CLPB: variants seen among roughly 807,000 people sequenced by gnomAD.
CLPB encodes the protein mitochondrial disaggregase.
CLPB carries 40 observed loss-of-function variants against 78.4 expected under a neutral mutation model. The observed-to-expected ratio is 0.51, with a 90% CI of 0.40 to 0.66. CLPB has a LOEUF of 0.66. Ranked by LOEUF, CLPB falls within the 30% of genes least tolerant of loss-of-function variation. The pLI is 0.00. For missense variants in CLPB, 780 were observed against 886.9 expected, an observed-to-expected ratio of 0.88 and a Z score of 1.53; for synonymous variants, 333 against 348.0, an observed-to-expected ratio of 0.96 and a Z score of 0.48.
intron 4 of CLPB, among the ~76,000 whole-genome samples, chr11:72,379,685 T>C (rs1854841045): frequency 6.6e-6 from 1 of 152,186 alleles, no homozygotes; most frequent in Non-Finnish European, 1.5e-5. Context: ...TTTATGAGGA[T>C]AGACATCAAA....
intron 5 of CLPB, among the ~76,000 whole-genome samples, chr11:72,332,139 T>G (rs57464210): frequency 0.13 from 19,834 of 152,064 alleles, 2,630 homozygotes; most frequent in African/African-American, 0.34. Flanking sequence ...TAAATATATT[T>G]TTTTTTATTA....
chr11:72,371,162 C>T (rs1184696896), intron 4 of CLPB, among the ~76,000 whole-genome samples: 1 of 152,060 alleles, frequency 6.6e-6, no homozygotes, highest in Non-Finnish European at 1.5e-5. Flanking sequence ...CTCCTGGGCT[C>T]AGGCAATCCT....
rs1020136365 is a variant in CLPB at position 72,422,942 on chromosome 11, G to C, written c.455+7370C>G. Among the ~76,000 whole-genome samples, 3 of 152,206 alleles carry C rather than the reference G, an allele frequency of 2.0e-5. No individual in the cohort carries two copies. In the East Asian group the frequency reaches 5.8e-4, roughly 29 times the overall value. On this transcript the variant is annotated intron_variant, in intron 2 of 15. Coordinates refer to ENST00000538039, the MANE Select transcript of CLPB (RefSeq NM_001258392.3). ...CCCAAGCTGGGGCATCCAGGGACGA[G>C]AACCAAACCAAGCCATCAGTGCAAA...
chr11:72,370,130 T>C (rs980413006), intron 4 of CLPB, among the ~76,000 whole-genome samples: 3 of 152,192 alleles, frequency 2.0e-5, no homozygotes, highest in Non-Finnish European at 4.4e-5. Flanking sequence ...GTGTGGTGTG[T>C]GGGACCCGTC....
chr11:72,420,019 T>C (rs1392921247), intron 2 of CLPB, among the ~76,000 whole-genome samples: 4 of 152,220 alleles, frequency 2.6e-5, no homozygotes, highest in African/African-American at 9.6e-5. Flanking sequence ...ATGACTGTAA[T>C]AGCTACACAG....
chr11:72,335,185 G>A (rs1381580134), intron 5 of CLPB, among the ~76,000 whole-genome samples: 1 of 152,164 alleles, frequency 6.6e-6, no homozygotes, highest in Non-Finnish European at 1.5e-5. Flanking sequence ...TGGCTGGTTT[G>A]GACCTCATCA....
intron 5 of CLPB, among the ~76,000 whole-genome samples, chr11:72,345,503 G>A (rs890385141): frequency 6.6e-6 from 1 of 152,176 alleles, no homozygotes; most frequent in Non-Finnish European, 1.5e-5. Flanking sequence ...GAAACACAGG[G>A]AGGATAAACC....
At chr11:72,308,751 T>C (rs1187145728) in intron 7 of CLPB, 147 bp from the exon 8 acceptor site, 1 of 730,216 alleles carries the variant, frequency 1.4e-6, no homozygotes, top group Non-Finnish European at 2.4e-6. Flanking sequence ...TGCTGCCTAA[T>C]CTGATTAGCT....
intron 3 of CLPB, among the ~76,000 whole-genome samples, chr11:72,393,132 G>T (rs1855303880): frequency 6.6e-6 from 1 of 152,158 alleles, no homozygotes; most frequent in South Asian, 2.1e-4. Flanking sequence ...CCACAACAGG[G>T]TTTCCAAGAT....
chr11:72,413,816 C>T (rs567607023), intron 2 of CLPB, among the ~76,000 whole-genome samples: 1 of 152,244 alleles, frequency 6.6e-6, no homozygotes, highest in East Asian at 1.9e-4. Context: ...TTTTGAGGTA[C>T]TACTTATTAT....
At position 72,329,768 on chromosome 11, in the gene CLPB, G is replaced by C. The variant is rs757880862; in HGVS notation, c.812C>G (p.Thr271Arg). The part of the protein sequence containing the change: ...NPLQRNEMGH[T>R]PLDYAREGEV... ...CCCTTCTCGGGCATAATCCAAGGGT[G>C]TGTGTCCCATTTCATTCCTCTGCAG... Residue 271 changes from threonine (T) to arginine (R), a missense_variant, in exon 6 of 16, where the codon ACA (threonine) becomes AGA (arginine). Around this residue, in one of 3 missense-constraint regions of CLPB, gnomAD observed 417 missense variants for 414.7 expected, o/e 1.01. Transcript: ENST00000538039. 1.2e-6 allele frequency: 2 copies of C among 1,613,970 alleles called. No individual in the cohort carries two copies. Among genetic ancestry groups the C allele is most frequent in the Non-Finnish European group, 8.5e-7 (1 of 1,179,928 alleles).
intron 6 of CLPB, among the ~76,000 whole-genome samples, chr11:72,326,479 A>G (rs541334393): frequency 4.3e-4 from 65 of 152,346 alleles, no homozygotes; most frequent in African/African-American, 1.4e-3. Context: ...ACTTTTCTGT[A>G]TCTCTAAAAC....
Position 72,380,310 on chromosome 11 carries a change from G to T in CLPB, c.617C>A (p.Ala206Asp), listed in dbSNP as rs1253789490. The change falls in exon 4 of 16, where the codon GCC becomes GAC. Residue 206 changes from alanine to aspartate, a missense_variant. Around this residue, in one of 3 missense-constraint regions of CLPB, gnomAD observed 417 missense variants for 414.7 expected, o/e 1.01. Coordinates refer to ENST00000538039, the MANE Select transcript of CLPB (RefSeq NM_001258392.3). ...GDDFSSVYKT[A>D]KEQGIHSLEV... is the part of the protein sequence containing the mutation. ...CAAAGAATGGATTCCCTGTTCCTTG[G>T]CAGTCTTGTAAACACTGCTGAAATC... The T allele has an allele frequency of 6.2e-7, 1 of 1,613,988 alleles. No homozygotes were observed. Among genetic ancestry groups the T allele is most frequent in the Admixed American group, 1.7e-5 (1 of 60,026 alleles).
intron 5 of CLPB, among the ~76,000 whole-genome samples, chr11:72,353,524 C>T (rs936680678): frequency 6.6e-6 from 1 of 152,102 alleles, no homozygotes; most frequent in African/African-American, 2.4e-5. Context: ...ACCACATCTC[C>T]CAAAAGAAAA....
chr11:72,422,405 T>C (rs1234297822), intron 2 of CLPB, among the ~76,000 whole-genome samples: 1 of 152,144 alleles, frequency 6.6e-6, no homozygotes, highest in Non-Finnish European at 1.5e-5. Context: ...TTAGTAACTA[T>C]GACAAAAGTA....
intron 5 of CLPB, among the ~76,000 whole-genome samples, chr11:72,346,605 A>C: frequency 6.6e-6 from 1 of 151,876 alleles, no homozygotes; most frequent in East Asian, 1.9e-4. Flanking sequence ...AAAAAGATGG[A>C]GATATGCCAC....
At chr11:72,393,682 G>C (rs573283190) in intron 3 of CLPB, among the ~76,000 whole-genome samples, 16 of 152,300 alleles carry the variant, frequency 1.1e-4, no homozygotes, top group African/African-American at 3.9e-4. Flanking sequence ...AATATTTGCT[G>C]AATCAATTCA....
intron 5 of CLPB, among the ~76,000 whole-genome samples, chr11:72,337,970 A>G (rs973966202): frequency 4.6e-5 from 7 of 152,028 alleles, no homozygotes; most frequent in African/African-American, 9.7e-5. Context: ...ACAAGTCCCA[A>G]CCCCCCAGTG....
At chr11:72,346,587 T>TA (rs574175469) in intron 5 of CLPB, among the ~76,000 whole-genome samples, 82 of 143,274 alleles carry the variant, frequency 5.7e-4, no homozygotes, top group Admixed American at 1.3e-3. Context: ...TGCTATATGT[T>TA]AAAAAAAAAA....
Sources: allele counts gnomAD v4.1 joint callset (sites outside exome capture counted in the v4.1 genomes callset), GRCh38; gene constraint gnomAD v4.1.1; regional missense constraint gnomAD v4.1.1; transcripts MANE v1.5; gene names NCBI Gene and HGNC (gene_info 2026-07-23, HGNC 2026-07-21).